ALG8: variants seen among roughly 807,000 people sequenced by gnomAD.
ALG8 encodes ALG8 alpha-1,3-glucosyltransferase.
A neutral mutation model predicts 70.2 loss-of-function variants in ALG8; 48 were observed. The observed-to-expected ratio is 0.68, with a 90% confidence interval of 0.54 to 0.87. The LOEUF (loss-of-function observed/expected upper bound fraction) is 0.87. Among genes scored for constraint, ALG8 ranks in the 40% least tolerant of loss-of-function variants. ALG8 has a pLI of 0.00. For synonymous variants in ALG8, 234 were observed against 229.0 expected (o/e 1.02, Z -0.20); for missense variants, 572 against 608.7 (o/e 0.94, Z 0.64).
Position 78,123,760 on chromosome 11 carries a change from C to G in ALG8, c.368+261G>C, listed in dbSNP as rs117628372. Among the ~76,000 whole-genome samples, 1,448 of 152,282 alleles carry G rather than the reference C, an allele frequency of 9.5e-3. 8 individuals carry two copies. The highest frequency in any genetic ancestry group is 0.016 in the Non-Finnish European group (1,120 of 68,028). On this transcript the variant is annotated intron_variant, in intron 3 of 12. Coordinates refer to ENST00000299626, the MANE Select transcript of ALG8 (RefSeq NM_024079.5). ...TGGGAGAAATGGCCCTAGAACTATACTTGGGACTACTTCTTTTCACAACAT... is the reference window on the plus strand; with the variant it reads ...TGGGAGAAATGGCCCTAGAACTATAGTTGGGACTACTTCTTTTCACAACAT...
intron 1 of ALG8, among the ~76,000 whole-genome samples, chr11:78,135,602 C>T (rs554232953): frequency 6.6e-6 from 1 of 152,222 alleles, no homozygotes; most frequent in Non-Finnish European, 1.5e-5. Flanking sequence ...AATCCCAACA[C>T]TTTGGGAGGC....
chr11:78,132,690 C>T (rs1277735905), intron 1 of ALG8, among the ~76,000 whole-genome samples: 1 of 152,184 alleles, frequency 6.6e-6, no homozygotes, highest in African/African-American at 2.4e-5. Flanking sequence ...CACTTGCACA[C>T]ACCACATACT....
intron 1 of ALG8, chr11:78,138,670 G>A (rs1409937924): frequency 6.6e-6 from 3 of 452,658 alleles, no homozygotes; most frequent in Non-Finnish European, 1.3e-5. Context: ...AAGGATGAAG[G>A]GAAGGCGGAA....
At chr11:78,128,354 CAAT>C (rs1355688846) in intron 1 of ALG8, among the ~76,000 whole-genome samples, 3 of 152,152 alleles carry the variant, frequency 2.0e-5, no homozygotes, top group African/African-American at 7.2e-5. Flanking sequence ...CCAAAGTGAA[CAAT>C]GAGTTCCACA....
intron 1 of ALG8, among the ~76,000 whole-genome samples, chr11:78,134,870 C>G (rs1861474688): frequency 6.6e-6 from 1 of 152,190 alleles, no homozygotes; most frequent in South Asian, 2.1e-4. Context: ...TCAAAGTTAT[C>G]CATTGGAGTT....
In ALG8 at chr11:78,133,522, T is replaced by C. The variant is rs1054607378; in HGVS notation, c.95+5972A>G. On this transcript the variant is annotated intron_variant, in intron 1 of 12. Transcript: ENST00000299626. ...TTAGTGCAGGCATACCTTAGAGATATTGTGGGTTTAGACCACCATAATGAA... is the reference window on the plus strand; with the variant it reads ...TTAGTGCAGGCATACCTTAGAGATACTGTGGGTTTAGACCACCATAATGAA... 4.6e-5 allele frequency: 7 copies of C among 152,252 alleles called. 1 individual carries two copies. Among genetic ancestry groups the C allele is most frequent in the Admixed American group, 2.6e-4 (4 of 15,278 alleles). 9.4% of individuals were successfully genotyped at this position (152,252 alleles called of 1,614,324 possible). A position where few individuals can be genotyped will look rare whatever the true frequency, so the allele number is the denominator to read the frequency against.
At chr11:78,101,231 T>C in intron 12 of ALG8, 36 bp from the exon 13 acceptor site, 1 of 1,545,322 alleles carries the variant, frequency 6.5e-7, no homozygotes, top group Non-Finnish European at 8.9e-7. Context: ...TGATTTTAGA[T>C]GAGTCATCCT....
intron 9 of ALG8, among the ~76,000 whole-genome samples, chr11:78,108,951 G>T (rs1860163454): frequency 1.3e-5 from 2 of 152,074 alleles, no homozygotes; most frequent in African/African-American, 2.4e-5. Flanking sequence ...TTAGAATGAG[G>T]CCTCTAAGAG....
At chr11:78,103,144 A>G (rs1859872296) in intron 12 of ALG8, among the ~76,000 whole-genome samples, 1 of 151,842 alleles carries the variant, frequency 6.6e-6, no homozygotes, top group Non-Finnish European at 1.5e-5. Flanking sequence ...TGACCAACAC[A>G]GAGAAACCCC....
intron 5 of ALG8, among the ~76,000 whole-genome samples, chr11:78,116,298 A>G (rs970724253): frequency 5.9e-5 from 9 of 152,170 alleles, no homozygotes; most frequent in Non-Finnish European, 1.5e-5. Flanking sequence ...GGTTGCAGTG[A>G]GGTGGAGGTT....
Position 78,109,426 on chromosome 11 carries a change from T to C in ALG8, c.1038+16A>G. The C allele has an allele frequency of 1.9e-6, 3 of 1,614,070 alleles. No individual in the cohort carries two copies. Among genetic ancestry groups the C allele is most frequent in the Non-Finnish European group, 2.5e-6 (3 of 1,179,992 alleles). On this transcript the variant is annotated intron_variant, in intron 9 of 12. Transcript: ENST00000299626. ...GAGAAAACTCAAGAAATGAGCACCA[T>C]CTGTTGAGTTCTTACCAATATGGCA... is the stretch of plus-strand genomic sequence containing the variant.
At position 78,139,559 on chromosome 11, in the gene ALG8, AGTACCC is replaced by A. The variant is rs1446895994; in HGVS notation, c.24_29del (p.Thr10_Gly11del). On this transcript the variant is annotated inframe_deletion, in exon 1 of 13. Coordinates refer to ENST00000299626, the MANE Select transcript of ALG8 (RefSeq NM_024079.5). ...GCGCCAAAGCCGAAAACCAATTGCC[AGTACCC>A]GTGGCAATTGTGAGCGCCGCCATTG... 1.3e-6 allele frequency: 2 copies of A among 1,560,652 alleles called. No individual in the cohort carries two copies. The highest frequency in any genetic ancestry group is 1.7e-6 in the Non-Finnish European group (2 of 1,151,932).
intron 4 of ALG8, among the ~76,000 whole-genome samples, 167 bp from the exon 5 acceptor site, chr11:78,119,416 AT>A (rs1012412751): frequency 1.9e-4 from 26 of 139,344 alleles, no homozygotes; most frequent in African/African-American, 6.8e-4. Flanking sequence ...ACAGATTCAA[AT>A]TTTTTTTTTA....
Position 78,127,391 on chromosome 11 carries a change from A to G in ALG8, c.141T>C (p.Thr47=). The change falls in exon 2 of 13, where the codon ACT becomes ACC. Residue 47 remains threonine (T), a synonymous_variant. Transcript: ENST00000299626. The stretch of plus-strand genomic sequence containing the variant: ...ACCACTGTGATATTGGCAAACTGTG[A>G]GTGATAGCAAGCCAGTTTCGGTGTA... The part of the protein sequence containing the change: ...FEVHRNWLAI[T]HSLPISQWYY... 22 of 1,614,002 alleles carry G rather than the reference A, an allele frequency of 1.4e-5. No individual in the cohort carries two copies. The highest frequency in any genetic ancestry group is 1.9e-5 in the Non-Finnish European group (22 of 1,179,924).
At position 78,101,217 on chromosome 11, in the gene ALG8, A is replaced by G. The variant is rs766628152; in HGVS notation, c.1350-22T>C. The G allele has an allele frequency of 9.2e-5, 147 of 1,602,458 alleles. 7 individuals carry two copies. In the South Asian group the frequency reaches 1.5e-3, roughly 17 times the overall value. The stretch of plus-strand genomic sequence containing the variant: ...TTTTCTGAAGGAAAAAAGAGAGAAA[A>G]GTCTGATTTTAGATGAGTCATCCTG... On this transcript the variant is annotated intron_variant, in intron 12 of 12. Transcript: ENST00000299626.
intron 4 of ALG8, among the ~76,000 whole-genome samples, chr11:78,119,903 A>T (rs1860746256): frequency 1.3e-5 from 2 of 152,038 alleles, no homozygotes; most frequent in Non-Finnish European, 2.9e-5. Context: ...GGCGTTCAAG[A>T]TCAGCCTGGT....
rs749124205 is a variant in ALG8 at position 78,121,100 on chromosome 11, A to T, written c.443T>A (p.Leu148Ter). 1.2e-6 allele frequency: 2 copies of T among 1,613,988 alleles called. No individual in the cohort carries two copies. Among genetic ancestry groups the T allele is most frequent in the South Asian group, 2.2e-5 (2 of 91,078 alleles). Residue 148 changes from leucine to a stop codon, truncating the protein, a stop_gained, in exon 4 of 13, where the codon TTA becomes TAA. Transcript: ENST00000299626. LOFTEE classifies it high-confidence loss of function. ...TAATAACCCGAAGTTCCACAGAAGT[A>T]ATACCGACAGAATAAATTTTGGCTT... ...TEKPKFILSV[L>*]LLWNFGLLIV...
intron 2 of ALG8, among the ~76,000 whole-genome samples, chr11:78,125,974 A>G (rs1199471246): frequency 2.0e-5 from 3 of 151,688 alleles, no homozygotes; most frequent in Non-Finnish European, 4.4e-5. Context: ...CCTGGCTAAT[A>G]TGGTGAAACC....
chr11:78,138,340 C>T (rs1161736877), intron 1 of ALG8, among the ~76,000 whole-genome samples: 4 of 135,892 alleles, frequency 2.9e-5, no homozygotes, highest in Non-Finnish European at 6.1e-5. Context: ...CAGAGTGGGA[C>T]GAGACTGTCT....
Sources: gnomAD v4.1 joint callset for allele counts (sites outside exome capture counted in the v4.1 genomes callset) on GRCh38, gnomAD v4.1.1 for gene constraint, MANE v1.5 for transcripts, NCBI Gene and HGNC (gene_info 2026-07-23, HGNC 2026-07-21) for gene names.